Variants in FRMD4A observed in about 807,000 individuals in gnomAD.
The protein encoded by FRMD4A is FERM domain-containing protein 4A.
In FRMD4A, 29 loss-of-function variants were observed where a neutral mutation model predicts 129.1. The ratio of observed to expected loss-of-function variants is 0.22; its 90% CI spans 0.17 to 0.31. The LOEUF is 0.31. Among genes scored for constraint, FRMD4A ranks in the 10% least tolerant of loss-of-function variants. FRMD4A has a pLI of 1.00. For missense variants in FRMD4A, 1,272 were observed against 1,375.8 expected, an observed-to-expected ratio of 0.92 and a Z score of 1.19; for synonymous variants, 634 against 571.6, an observed-to-expected ratio of 1.11 and a Z score of -1.56.
chr10:13,679,487 AC>A (rs1287837375), intron 15 of FRMD4A, among the ~76,000 whole-genome samples: 7 of 132,914 alleles, frequency 5.3e-5, no homozygotes, highest in South Asian at 2.7e-4. Flanking sequence ...ACACACACAC[AC>A]ACACACACAC....
In FRMD4A at chr10:13,686,890, G is replaced by A. The variant is rs147806845; in HGVS notation, c.1117+7008C>T. Among the ~76,000 whole-genome samples, 617 of 152,210 alleles carry A rather than the reference G, an allele frequency of 4.1e-3. 2 individuals are homozygous for A. Among genetic ancestry groups the A allele is most frequent in the South Asian group, 0.011 (51 of 4,808 alleles). On this transcript the variant is annotated intron_variant, in intron 15 of 24. Transcript: ENST00000357447. ...CAGTGGTTAATACAACAAGCCACACGTCCCTGCAGCACACTGGGTATTTCC... is the reference window on the plus strand; with the variant it reads ...CAGTGGTTAATACAACAAGCCACACATCCCTGCAGCACACTGGGTATTTCC...
intron 2 of FRMD4A, among the ~76,000 whole-genome samples, chr10:13,995,109 C>A (rs1588705003): frequency 6.6e-6 from 1 of 152,140 alleles, no homozygotes; most frequent in African/African-American, 2.4e-5. Context: ...ACTGCATGGG[C>A]CCCACTCTAA....
At chr10:13,772,126 T>C (rs943995448) in intron 6 of FRMD4A, among the ~76,000 whole-genome samples, 8 of 144,970 alleles carry the variant, frequency 5.5e-5, no homozygotes, top group Non-Finnish European at 1.2e-4. Flanking sequence ...CAAAAAAATA[T>C]ATATATTATA....
chr10:14,152,528 G>A (rs993035393), intron 2 of FRMD4A, among the ~76,000 whole-genome samples: 31 of 152,264 alleles, frequency 2.0e-4, no homozygotes, highest in African/African-American at 6.5e-4. Context: ...TTGACCAAGA[G>A]GACAATGGGG....
chr10:14,328,430 A>G (rs1322903482), intron 2 of FRMD4A, among the ~76,000 whole-genome samples: 1 of 149,148 alleles, frequency 6.7e-6, no homozygotes, highest in Non-Finnish European at 1.5e-5. Flanking sequence ...GATACCAAGG[A>G]TTCATGCTTA....
chr10:14,274,411 A>G (rs1218212744), intron 2 of FRMD4A, among the ~76,000 whole-genome samples: 1 of 152,216 alleles, frequency 6.6e-6, no homozygotes. Context: ...TGGTGGATCC[A>G]GAGCCCACAC....
At chr10:14,055,987 T>G (rs2131694488) in intron 2 of FRMD4A, among the ~76,000 whole-genome samples, 1 of 152,302 alleles carries the variant, frequency 6.6e-6, no homozygotes, top group South Asian at 2.1e-4. Context: ...CAGGCCAGAG[T>G]GCAGTGGCGC....
At chr10:13,851,825 A>G (rs2094144268) in intron 3 of FRMD4A, among the ~76,000 whole-genome samples, 1 of 151,642 alleles carries the variant, frequency 6.6e-6, no homozygotes, top group Non-Finnish European at 1.5e-5. Context: ...GCTTGAACTC[A>G]GGAGGCGAAG....
chr10:13,698,121 A>G lies in FRMD4A; in HGVS notation c.975+3219T>C, dbSNP rs559280983. On this transcript the variant is annotated intron_variant, in intron 14 of 24. Transcript: ENST00000357447. ...GAGGGAGAGACAGGCAGAGAGAAAG[A>G]AGGAGAGATTTCCTTAAATGATTTG... Among the ~76,000 whole-genome samples the G allele has an allele frequency of 6.2e-4, 92 of 148,002 alleles. No individual in the cohort carries two copies. The East Asian group carries it at 0.018, about 28-fold the overall frequency.
intron 15 of FRMD4A, among the ~76,000 whole-genome samples, chr10:13,688,270 C>T (rs918796879): frequency 6.6e-6 from 1 of 152,090 alleles, no homozygotes; most frequent in Non-Finnish European, 1.5e-5. Flanking sequence ...TGGAAACCAT[C>T]ATTCTCGGCA....
intron 2 of FRMD4A, among the ~76,000 whole-genome samples, chr10:14,164,881 AT>A (rs1321566943): frequency 6.6e-6 from 1 of 152,028 alleles, no homozygotes; most frequent in Admixed American, 6.6e-5. Flanking sequence ...ATGGACCTTC[AT>A]TTTTTTCTCT....
At chr10:14,209,041 G>T (rs1842863943) in intron 2 of FRMD4A, among the ~76,000 whole-genome samples, 2 of 152,072 alleles carry the variant, frequency 1.3e-5, no homozygotes, top group African/African-American at 4.8e-5. Flanking sequence ...TCTGTGAATG[G>T]TTCCATTTCC....
chr10:14,060,347 A>C (rs980411041), intron 2 of FRMD4A, among the ~76,000 whole-genome samples: 1 of 152,200 alleles, frequency 6.6e-6, no homozygotes. Flanking sequence ...AACACTGAAC[A>C]CATCCTTGTA....
At chr10:14,000,253 C>T (rs1011769233) in intron 2 of FRMD4A, among the ~76,000 whole-genome samples, 4 of 152,060 alleles carry the variant, frequency 2.6e-5, no homozygotes, top group African/African-American at 9.7e-5. Context: ...GGATTGTTTT[C>T]AACTATGTGT....
At chr10:14,246,093 C>G (rs550335389) in intron 2 of FRMD4A, among the ~76,000 whole-genome samples, 77 of 152,288 alleles carry the variant, frequency 5.1e-4, no homozygotes, top group African/African-American at 1.8e-3. Flanking sequence ...CTCAGATGCT[C>G]CCATTCCCAA....
At chr10:13,851,534 C>T (rs1392581694) in intron 3 of FRMD4A, among the ~76,000 whole-genome samples, 1 of 152,104 alleles carries the variant, frequency 6.6e-6, no homozygotes, top group Non-Finnish European at 1.5e-5. Context: ...AGATCAGCAG[C>T]AGCATTAGAT....
intron 2 of FRMD4A, among the ~76,000 whole-genome samples, chr10:13,906,038 G>A (rs954731503): frequency 2.6e-5 from 4 of 152,226 alleles, no homozygotes; most frequent in African/African-American, 9.6e-5. Flanking sequence ...TGGGTCAACA[G>A]GGCCGAGCCC....
At chr10:14,060,433 A>T (rs897916424) in intron 2 of FRMD4A, among the ~76,000 whole-genome samples, 3 of 152,166 alleles carry the variant, frequency 2.0e-5, no homozygotes, top group African/African-American at 7.2e-5. Context: ...AAGCACAGAG[A>T]GGTGAGTAAT....
At chr10:13,934,257 G>C (rs1232959869) in intron 2 of FRMD4A, among the ~76,000 whole-genome samples, 1 of 152,152 alleles carries the variant, frequency 6.6e-6, no homozygotes. Context: ...CTAGAACAGG[G>C]AACAGGTTCT....
Sources: allele counts gnomAD v4.1 joint callset (sites outside exome capture counted in the v4.1 genomes callset), GRCh38; gene constraint gnomAD v4.1.1; transcripts MANE v1.5; gene names NCBI Gene and HGNC (gene_info 2026-07-23, HGNC 2026-07-21).